The following LMNTD1 variants were observed in gnomAD, a reference collection of about 807,000 sequenced individuals.
LMNTD1 encodes the protein lamin tail domain containing 1, also known as lamin tail domain-containing protein 1.
Under a neutral mutation model 50.9 loss-of-function variants are expected in LMNTD1, and 35 were observed. The ratio of observed to expected loss-of-function variants is 0.69; its 90% CI spans 0.53 to 0.91. The LOEUF (loss-of-function observed/expected upper bound fraction) is 0.91, where lower values mean the gene tolerates loss of function less well. Ranked by LOEUF, LMNTD1 falls within the 40% of genes least tolerant of loss-of-function variation. LMNTD1 has a pLI of 0.00. For missense variants in LMNTD1, 470 were observed against 475.5 expected, an observed-to-expected ratio of 0.99 and a Z score of 0.11; for synonymous variants, 153 against 161.9, an observed-to-expected ratio of 0.94 and a Z score of 0.42.
At chr12:25,534,620 T>G (rs1165529977) in intron 4 of LMNTD1, among the ~76,000 whole-genome samples, 3 of 152,146 alleles carry the variant, frequency 2.0e-5, no homozygotes, top group African/African-American at 7.2e-5. Context: ...AGCAGAAGAC[T>G]GATCAGCACA....
intron 1 of LMNTD1, among the ~76,000 whole-genome samples, chr12:25,583,411 C>T (rs766983778): frequency 2.0e-5 from 3 of 152,134 alleles, no homozygotes; most frequent in Non-Finnish European, 4.4e-5. Context: ...TCAAGCAATC[C>T]TCATTCCTTC....
intron 4 of LMNTD1, among the ~76,000 whole-genome samples, chr12:25,545,916 CTTTTA>C (rs1309350992): frequency 1.3e-5 from 2 of 151,552 alleles, no homozygotes; most frequent in African/African-American, 2.4e-5. Flanking sequence ...GATCATAACT[CTTTTA>C]TTTTAGTCTT....
At chr12:25,576,633 T>G (rs192772197) in intron 1 of LMNTD1, among the ~76,000 whole-genome samples, 186 of 152,340 alleles carry the variant, frequency 1.2e-3, no homozygotes, top group South Asian at 5.2e-3. Flanking sequence ...TTTCTCCCAT[T>G]CTGTAAGTTG....
At chr12:25,629,980 G>A (rs1465315568) in intron 1 of LMNTD1, among the ~76,000 whole-genome samples, 2 of 152,248 alleles carry the variant, frequency 1.3e-5, no homozygotes, top group African/African-American at 4.8e-5. Flanking sequence ...ATTCGTGGAT[G>A]CTAACCAATG....
intron 1 of LMNTD1, among the ~76,000 whole-genome samples, chr12:25,594,902 A>G (rs1945809129): frequency 6.6e-6 from 1 of 152,178 alleles, no homozygotes; most frequent in Non-Finnish European, 1.5e-5. Flanking sequence ...TTCCATGCAA[A>G]TAGACACCAA....
At chr12:25,530,590 C>T (rs984157234) in intron 4 of LMNTD1, among the ~76,000 whole-genome samples, 1 of 152,190 alleles carries the variant, frequency 6.6e-6, no homozygotes, top group Admixed American at 6.5e-5. Flanking sequence ...GGCTTCCTAG[C>T]TGTTCCGTTG....
chr12:25,546,683 C>T (rs1943456757), intron 3 of LMNTD1, 129 bp from the exon 4 acceptor site: 1 of 495,914 alleles, frequency 2.0e-6, no homozygotes, highest in East Asian at 3.4e-5. Context: ...ATATCACTAT[C>T]AAACTTAATG....
At position 25,518,850 on chromosome 12, in the gene LMNTD1, T is replaced by C. The variant is rs1941005772; in HGVS notation, c.1134A>G (p.Gly378=). Residue 378 remains glycine, a synonymous_variant, in exon 8 of 10, where the codon GGA becomes GGG. Transcript: ENST00000458174. ...TCCTGGGCTGTCTATCCAATCTGCC[T>C]CCAGCGGTGGATGTATTGTGTGGTT... ...LIEPHNTSTA[G]GRLDRQPRTR... The C allele has an allele frequency of 6.2e-7, 1 of 1,614,120 alleles. No homozygotes were observed. Among genetic ancestry groups the C allele is most frequent in the Non-Finnish European group, 8.5e-7 (1 of 1,180,020 alleles).
At chr12:25,534,992 AC>A (rs1942485922) in intron 4 of LMNTD1, among the ~76,000 whole-genome samples, 4 of 152,216 alleles carry the variant, frequency 2.6e-5, no homozygotes, top group Admixed American at 2.6e-4. Context: ...ACAATTTCTG[AC>A]ATACAATAAA....
At chr12:25,537,214 T>C (rs1361937743) in intron 4 of LMNTD1, among the ~76,000 whole-genome samples, 1 of 152,014 alleles carries the variant, frequency 6.6e-6, no homozygotes, top group East Asian at 1.9e-4. Context: ...TCGAACTGGG[T>C]GGAGCCTACC....
chr12:25,593,741 T>C (rs1945769333), intron 1 of LMNTD1, among the ~76,000 whole-genome samples: 1 of 150,664 alleles, frequency 6.6e-6, no homozygotes, highest in Non-Finnish European at 1.5e-5. Context: ...ATTCAGAAGG[T>C]TAATTATTAA....
intron 1 of LMNTD1, among the ~76,000 whole-genome samples, chr12:25,614,635 G>A (rs192082885): frequency 2.0e-5 from 3 of 152,222 alleles, no homozygotes; most frequent in Non-Finnish European, 2.9e-5. Flanking sequence ...GGTTAACTGC[G>A]GTAGAACAGA....
intron 1 of LMNTD1, among the ~76,000 whole-genome samples, chr12:25,588,674 G>A (rs1945612291): frequency 6.6e-6 from 1 of 151,980 alleles, no homozygotes; most frequent in East Asian, 1.9e-4. Flanking sequence ...TGAGGTCCTG[G>A]AAATATTTAT....
chr12:25,557,453 A>G (rs1164407217), upstream of LMNTD1: 1 of 152,176 alleles, frequency 6.6e-6, no homozygotes, highest in Non-Finnish European at 1.5e-5. Flanking sequence ...AGACATACCA[A>G]TTTTAGCAAT....
intron 8 of LMNTD1, among the ~76,000 whole-genome samples, chr12:25,508,709 C>T (rs1940015862): frequency 6.6e-6 from 1 of 152,074 alleles, no homozygotes; most frequent in African/African-American, 2.4e-5. Context: ...TGCCTTATTT[C>T]ACGCAGACTT....
intron 1 of LMNTD1, among the ~76,000 whole-genome samples, chr12:25,622,471 C>CCCT (rs1565524410): frequency 7.3e-6 from 1 of 136,498 alleles, no homozygotes; most frequent in African/African-American, 2.7e-5. Context: ...GAGCCCGCCC[C>CCCT]CCCCCGCAAA....
intron 8 of LMNTD1, 30 bp downstream of exon 8, chr12:25,518,765 T>C (rs1940990046): frequency 6.2e-7 from 1 of 1,608,328 alleles, no homozygotes. Context: ...ACACGCACTC[T>C]CCACTGGAAC....
At chr12:25,538,999 G>C (rs1328028248) in intron 4 of LMNTD1, among the ~76,000 whole-genome samples, 1 of 151,196 alleles carries the variant, frequency 6.6e-6, no homozygotes, top group South Asian at 2.1e-4. Context: ...AATGGTAATG[G>C]GATCAATTCA....
chr12:25,602,081 G>A (rs1367442776), intron 1 of LMNTD1, among the ~76,000 whole-genome samples: 5 of 151,662 alleles, frequency 3.3e-5, no homozygotes. Flanking sequence ...ATCTATCCAT[G>A]CTTCTTTTAT....
Sources: gnomAD v4.1 joint callset for allele counts (sites outside exome capture counted in the v4.1 genomes callset) on GRCh38, gnomAD v4.1.1 for gene constraint, MANE v1.5 for transcripts, NCBI Gene and HGNC (gene_info 2026-07-23, HGNC 2026-07-21) for gene names.